The following KCNH8 variants were observed in gnomAD, a reference collection of about 807,000 sequenced individuals.
KCNH8 encodes the protein potassium voltage-gated channel subfamily H member 8, also known as voltage-gated delayed rectifier potassium channel KCNH8.
A neutral mutation model predicts 103.6 loss-of-function variants in KCNH8; 70 were observed. That is an observed-to-expected ratio of 0.68 (90% confidence interval 0.56 to 0.82). The LOEUF (loss-of-function observed/expected upper bound fraction) is 0.82, where lower values mean the gene tolerates loss of function less well. KCNH8 is among the 40% of genes least tolerant of loss of function. The probability of loss-of-function intolerance (pLI) is 0.00; values close to 1 mark genes in which losing one functional copy is unlikely to be tolerated. For synonymous variants in KCNH8, 498 were observed against 489.4 expected (o/e 1.02, Z -0.23); for missense variants, 1,217 against 1,329.9 (o/e 0.92, Z 1.32).
chr3:19,376,657 G>A lies in KCNH8; in HGVS notation c.812-13824G>A, dbSNP rs544709116. The stretch of plus-strand genomic sequence containing the variant: ...CATATTTTAAATTTACTAATGTATT[G>A]CCCACAGCCTGATTATTATTGTGGT... On this transcript the variant is annotated intron_variant, in intron 5 of 15. Transcript: ENST00000328405. Among the ~76,000 whole-genome samples, 4 of 152,128 alleles carry A rather than the reference G, an allele frequency of 2.6e-5. No individual in the cohort carries two copies. In the South Asian group the frequency reaches 8.3e-4, roughly 32 times the overall value.
At chr3:19,281,050 GA>G (rs2064750089) in intron 2 of KCNH8, 147 bp from the exon 3 acceptor site, 1 of 720,410 alleles carries the variant, frequency 1.4e-6, no homozygotes, top group Non-Finnish European at 2.3e-6. Flanking sequence ...GAAATTTATG[GA>G]ACCTGAAAAC....
chr3:19,236,648 T>C (rs1432987721), intron 1 of KCNH8, among the ~76,000 whole-genome samples: 1 of 152,176 alleles, frequency 6.6e-6, no homozygotes, highest in Non-Finnish European at 1.5e-5. Flanking sequence ...GTGGTATAAG[T>C]TTAAGATGAA....
chr3:19,423,296 T>G, intron 7 of KCNH8, among the ~76,000 whole-genome samples: 1 of 152,130 alleles, frequency 6.6e-6, no homozygotes, highest in East Asian at 1.9e-4. Context: ...ATTTTTATTG[T>G]ATTTCAATAG....
At position 19,500,579 on chromosome 3, in the gene KCNH8, A is replaced by G. The variant is rs145512871; in HGVS notation, c.2041-9784A>G. The stretch of plus-strand genomic sequence containing the variant: ...AAAAGAACAGAAATTATAACAAACT[A>G]TCTCTCAGACCATAGTGCAATCAAA... On this transcript the variant is annotated intron_variant, in intron 11 of 15. Coordinates refer to ENST00000328405, the MANE Select transcript of KCNH8 (RefSeq NM_144633.3). Among the ~76,000 whole-genome samples, 357 of 152,324 alleles carry G rather than the reference A, an allele frequency of 2.3e-3. 2 individuals carry two copies. The highest frequency in any genetic ancestry group is 7.7e-3 in the African/African-American group (321 of 41,580).
intron 1 of KCNH8, among the ~76,000 whole-genome samples, chr3:19,154,274 G>A (rs2063159096): frequency 6.6e-6 from 1 of 152,150 alleles, no homozygotes; most frequent in African/African-American, 2.4e-5. Flanking sequence ...ATTGAGGCTG[G>A]AAAGAGCCTT....
intron 8 of KCNH8, chr3:19,448,881 G>A (rs928218353): frequency 7.0e-6 from 5 of 711,220 alleles, no homozygotes; most frequent in Admixed American, 2.4e-5. Flanking sequence ...ACTTAGAGTT[G>A]AATTATCCAT....
intron 1 of KCNH8, among the ~76,000 whole-genome samples, chr3:19,213,320 C>T (rs11923068): frequency 0.041 from 6,197 of 152,150 alleles, 449 homozygotes; most frequent in African/African-American, 0.14. Flanking sequence ...CCATATGCAC[C>T]TCATTCTGTG....
intron 1 of KCNH8, among the ~76,000 whole-genome samples, chr3:19,251,708 G>A (rs900398522): frequency 2.0e-5 from 3 of 151,958 alleles, no homozygotes; most frequent in Non-Finnish European, 4.4e-5. Flanking sequence ...ACTGTTTTTT[G>A]AATAGGCAAT....
intron 11 of KCNH8, among the ~76,000 whole-genome samples, chr3:19,508,892 G>C (rs1219355402): frequency 6.6e-6 from 1 of 152,190 alleles, no homozygotes; most frequent in Non-Finnish European, 1.5e-5. Context: ...ACTCAAATCA[G>C]AAGATGCTAA....
intron 3 of KCNH8, among the ~76,000 whole-genome samples, chr3:19,307,244 A>G (rs752841516): frequency 6.6e-5 from 10 of 152,066 alleles, no homozygotes; most frequent in African/African-American, 9.7e-5. Flanking sequence ...AAATGGGCAA[A>G]TGATTTCAAC....
Position 19,342,577 on chromosome 3 carries a change from T to A in KCNH8, c.443-10T>A. 3 of 1,607,390 alleles carry A rather than the reference T, an allele frequency of 1.9e-6. No individual in the cohort carries two copies. Among genetic ancestry groups the A allele is most frequent in the Non-Finnish European group, 2.6e-6 (3 of 1,175,936 alleles). On this transcript the variant is annotated splice_polypyrimidine_tract_variant and intron_variant, in intron 3 of 15. Transcript: ENST00000328405. Reference sequence around the variant, plus strand: ...TGCATGTGTGTCTAATGAGTTTTATTTTCCCCCAGACAAAGTCAAAGGAAG... The same window carrying A: ...TGCATGTGTGTCTAATGAGTTTTATATTCCCCCAGACAAAGTCAAAGGAAG...
chr3:19,315,902 A>T (rs887254208), intron 3 of KCNH8, among the ~76,000 whole-genome samples: 7 of 152,018 alleles, frequency 4.6e-5, no homozygotes, highest in Non-Finnish European at 1.0e-4. Context: ...TTCTCTAAAG[A>T]TGTTAGAAAC....
At chr3:19,278,996 G>T (rs1017754757) in intron 2 of KCNH8, among the ~76,000 whole-genome samples, 2 of 152,118 alleles carry the variant, frequency 1.3e-5, no homozygotes, top group African/African-American at 4.8e-5. Context: ...AGATTTTCAG[G>T]AAAATTAATA....
intron 3 of KCNH8, among the ~76,000 whole-genome samples, chr3:19,307,752 G>A (rs905776149): frequency 2.0e-5 from 3 of 151,898 alleles, no homozygotes; most frequent in African/African-American, 7.2e-5. Flanking sequence ...TCATGGCAAC[G>A]TGGTTGGAAC....
intron 11 of KCNH8, among the ~76,000 whole-genome samples, chr3:19,487,873 C>T (rs1330054530): frequency 6.6e-6 from 1 of 152,148 alleles, no homozygotes; most frequent in African/African-American, 2.4e-5. Flanking sequence ...TATGTCCCAC[C>T]ACCCAGCAGG....
intron 3 of KCNH8, among the ~76,000 whole-genome samples, chr3:19,288,711 A>T (rs2064872955): frequency 6.6e-6 from 1 of 152,204 alleles, no homozygotes; most frequent in Non-Finnish European, 1.5e-5. Context: ...GTGTCTTTAT[A>T]GCAGCATGAT....
intron 8 of KCNH8, among the ~76,000 whole-genome samples, chr3:19,444,901 T>G (rs187421728): frequency 8.6e-4 from 131 of 152,110 alleles, no homozygotes; most frequent in African/African-American, 3.1e-3. Context: ...TTGATGGGCA[T>G]GTCAGTCGAT....
rs78473381 is a variant in KCNH8 at position 19,279,391 on chromosome 3, C to T, written c.311-1807C>T. On this transcript the variant is annotated intron_variant, in intron 2 of 15. Transcript: ENST00000328405. Reference sequence around the variant, plus strand: ...TGGAGTGAAGGATGTGACAATGTTACAATGAAGGGAACCAAGTTCCAGATG... The same window carrying T: ...TGGAGTGAAGGATGTGACAATGTTATAATGAAGGGAACCAAGTTCCAGATG... Among the ~76,000 whole-genome samples the T allele has an allele frequency of 3.3e-3, 501 of 152,108 alleles. 24 individuals are homozygous for T. In the East Asian group the frequency reaches 0.085, roughly 26 times the overall value.
At chr3:19,347,459 G>T (rs978551337) in intron 4 of KCNH8, among the ~76,000 whole-genome samples, 3 of 151,970 alleles carry the variant, frequency 2.0e-5, no homozygotes, top group African/African-American at 7.2e-5. Context: ...TTAGGTAATG[G>T]TCTTTTTTAT....
Sources: allele counts gnomAD v4.1 joint callset (sites outside exome capture counted in the v4.1 genomes callset), GRCh38; gene constraint gnomAD v4.1.1; transcripts MANE v1.5; gene names NCBI Gene and HGNC (gene_info 2026-07-23, HGNC 2026-07-21).